Variants in GRIN2C observed in about 807,000 individuals in gnomAD.
GRIN2C encodes glutamate receptor ionotropic, NMDA 2C.
A neutral mutation model predicts 77.7 loss-of-function variants in GRIN2C; 64 were observed. The ratio of observed to expected loss-of-function variants is 0.82; its 90% CI spans 0.67 to 1.01. The LOEUF is 1.01. Ranked by LOEUF, GRIN2C falls within the 50% of genes least tolerant of loss-of-function variation. GRIN2C has a pLI of 0.00. For missense variants in GRIN2C, 1,549 were observed against 1,486.0 expected, an observed-to-expected ratio of 1.04 and a Z score of -0.70; for synonymous variants, 792 against 643.4, an observed-to-expected ratio of 1.23 and a Z score of -3.49.
At chr17:74,851,548 G>T in intron 4 of GRIN2C, 29 bp downstream of exon 4, 1 of 1,337,642 alleles carries the variant, frequency 7.5e-7, no homozygotes, top group Non-Finnish European at 1.1e-6. Flanking sequence ...AGAGGACACT[G>T]AGGGCCCCTG....
At position 74,843,393 on chromosome 17, in the gene GRIN2C, CGG is replaced by C; in HGVS notation, c.2742_2743del (p.Asp914GlufsTer364). 1 of 1,533,598 alleles carries C rather than the reference CGG, an allele frequency of 6.5e-7. No homozygotes were observed. The highest frequency in any genetic ancestry group is 8.7e-7 in the Non-Finnish European group (1 of 1,144,660). The allele number at this position is 1,533,598 out of a possible 1,614,324, so 95.0% of individuals were successfully genotyped here. ...CCAATTCTCGATGGTGCGAGTGGCG[CGG>C]TCCAGGGAGCTGCTTACGCCCGCCG... On this transcript the variant is annotated frameshift_variant, in exon 13 of 13. Transcript: ENST00000293190. LOFTEE classifies it low-confidence loss of function (END_TRUNC).
In GRIN2C at chr17:74,849,626, C is replaced by T. The variant is rs1298248750; in HGVS notation, c.1645+154G>A. ...ACACTGACTTCACTTCTCCTGTCTC[C>T]TTTCCACTCACCTCCAGCCAACCTC... On this transcript the variant is annotated intron_variant, in intron 7 of 12. Coordinates refer to ENST00000293190, the MANE Select transcript of GRIN2C (RefSeq NM_000835.6). This position sits in a 1 kb window ranked among gnomAD's most constrained non-coding sequence, Gnocchi z 4.6. Among the ~76,000 whole-genome samples, 1 of 152,188 alleles carries T rather than the reference C, an allele frequency of 6.6e-6. No individual in the cohort carries two copies. The highest frequency in any genetic ancestry group is 1.5e-5 in the Non-Finnish European group (1 of 68,032).
intron 2 of GRIN2C, chr17:74,853,267 A>T (rs920529439): frequency 1.3e-5 from 2 of 152,164 alleles, no homozygotes; most frequent in African/African-American, 4.8e-5. Flanking sequence ...CCAATCTTTT[A>T]AAAAAGCAAA....
chr17:74,855,260 A>T (rs887907992), intron 1 of GRIN2C, among the ~76,000 whole-genome samples, 153 bp from the exon 2 acceptor site: 1 of 152,202 alleles, frequency 6.6e-6, no homozygotes, highest in African/African-American at 2.4e-5. Flanking sequence ...AGAGAGGGAG[A>T]CAGACAGACA....
chr17:74,842,395 C>CAG lies in GRIN2C; in HGVS notation c.*38_*39dup. 2 of 744,586 alleles carry CAG rather than the reference C, an allele frequency of 2.7e-6. No individual in the cohort carries two copies. The highest frequency in any genetic ancestry group is 5.0e-6 in the Non-Finnish European group (2 of 401,822). The allele number at this position is 744,586 out of a possible 1,614,324, so 46.1% of individuals were successfully genotyped here. On this transcript the variant is annotated 3_prime_UTR_variant, in exon 13 of 13. Transcript: ENST00000293190. ...GCCGCTTAACCCTGACAGTGGCAGGCAGAGAATCCAGCTGGCTCGGAGCCT... is the reference window on the plus strand; with the variant it reads ...GCCGCTTAACCCTGACAGTGGCAGGCAGAGAGAATCCAGCTGGCTCGGAGCCT...
In GRIN2C at chr17:74,850,621, G is replaced by A. The variant is rs777782208; in HGVS notation, c.1260C>T (p.Asp420=). The A allele has an allele frequency of 1.2e-6, 2 of 1,613,656 alleles. No individual in the cohort carries two copies. Among genetic ancestry groups the A allele is most frequent in the Non-Finnish European group, 1.7e-6 (2 of 1,180,008 alleles). ...ERPFVIVESP[D]PGTGGCVPNT... ...TGGGGACACAGCCTCCTGTGCCAGG[G>A]TCAGGGCTCTCCACGATGACAAAGG... is the stretch of plus-strand genomic sequence containing the variant. The change falls in exon 5 of 13, where the codon GAC becomes GAT. Residue 420 remains aspartate, a synonymous_variant. Transcript: ENST00000293190. This position sits in a 1 kb window ranked among gnomAD's most constrained non-coding sequence, Gnocchi z 5.3.
rs910649102 is a variant in GRIN2C at position 74,849,298 on chromosome 17, C to T, written c.1645+482G>A. Among the ~76,000 whole-genome samples, 6 of 152,164 alleles carry T rather than the reference C, an allele frequency of 3.9e-5. No individual in the cohort carries two copies. Among genetic ancestry groups the T allele is most frequent in the Non-Finnish European group, 7.4e-5 (5 of 68,010 alleles). ...CTCTCTGCCACCTCACACTTCATGT[C>T]CCACGTGGCCTCTGACAGGGAACTT... is the stretch of plus-strand genomic sequence containing the variant. On this transcript the variant is annotated intron_variant, in intron 7 of 12. Coordinates refer to ENST00000293190, the MANE Select transcript of GRIN2C (RefSeq NM_000835.6). The surrounding 1 kb of genome is among the most constrained non-coding windows in gnomAD (Gnocchi z 4.6).
At position 74,849,978 on chromosome 17, in the gene GRIN2C, G is replaced by A. The variant is rs2037583758; in HGVS notation, c.1492-45C>T. 2.5e-6 allele frequency: 4 copies of A among 1,583,780 alleles called. No individual in the cohort carries two copies. Among genetic ancestry groups the A allele is most frequent in the Non-Finnish European group, 3.4e-6 (4 of 1,165,136 alleles). ...GAGGTTTGAAAAAGGGGCTCCCGTGGGGTGGACACGCTGCACAGGCACCTC... is the reference window on the plus strand; with the variant it reads ...GAGGTTTGAAAAAGGGGCTCCCGTGAGGTGGACACGCTGCACAGGCACCTC... On this transcript the variant is annotated intron_variant, in intron 6 of 12. Transcript: ENST00000293190. This position sits in a 1 kb window ranked among gnomAD's most constrained non-coding sequence, Gnocchi z 4.6.
At chr17:74,855,675 C>G (rs1047781817) in intron 1 of GRIN2C, among the ~76,000 whole-genome samples, 5 of 152,238 alleles carry the variant, frequency 3.3e-5, no homozygotes, top group African/African-American at 1.2e-4. Flanking sequence ...GAAGACAGCT[C>G]TTGCATCACC....
intron 1 of GRIN2C, among the ~76,000 whole-genome samples, chr17:74,855,783 G>A (rs1484238752): frequency 2.0e-5 from 3 of 151,726 alleles, no homozygotes; most frequent in Non-Finnish European, 4.4e-5. Context: ...AGTGTGCCCT[G>A]CTTGCCATGG....
Position 74,844,518 on chromosome 17 carries a change from G to C in GRIN2C, c.2351-10C>G. On this transcript the variant is annotated splice_polypyrimidine_tract_variant and intron_variant, in intron 11 of 12. Coordinates refer to ENST00000293190, the MANE Select transcript of GRIN2C (RefSeq NM_000835.6). ...AGTTTCTGTGTCTCTCCTGGAGTTGGGGGGTGTACACATCTGGCTCAGGAA... is the reference window on the plus strand; with the variant it reads ...AGTTTCTGTGTCTCTCCTGGAGTTGCGGGGTGTACACATCTGGCTCAGGAA... The C allele has an allele frequency of 1.2e-6, 2 of 1,612,588 alleles. No homozygotes were observed. Among genetic ancestry groups the C allele is most frequent in the Middle Eastern group, 1.7e-4 (1 of 6,052 alleles).
At position 74,846,711 on chromosome 17, in the gene GRIN2C, C is replaced by G. The variant is rs769074960; in HGVS notation, c.2162+49G>C. Reference sequence around the variant, plus strand: ...CCACATTGAGAGCTAAGGCTGGTCACTGGGGAGACACACGGATGAAGACAG... The same window carrying G: ...CCACATTGAGAGCTAAGGCTGGTCAGTGGGGAGACACACGGATGAAGACAG... On this transcript the variant is annotated intron_variant, in intron 10 of 12. Coordinates refer to ENST00000293190, the MANE Select transcript of GRIN2C (RefSeq NM_000835.6). This position sits in a 1 kb window ranked among gnomAD's most constrained non-coding sequence, Gnocchi z 4.4. 1 of 1,579,556 alleles carries G rather than the reference C, an allele frequency of 6.3e-7. No individual in the cohort carries two copies. The highest frequency in any genetic ancestry group is 8.6e-7 in the Non-Finnish European group (1 of 1,156,692).
rs557447366 is a variant in GRIN2C, at chr17:74,849,790, C to T, written c.1635G>A (p.Ser545=). 7.4e-6 allele frequency: 12 copies of T among 1,612,170 alleles called. No individual in the cohort carries two copies. The African/African-American group carries it at 8.0e-5, about 11-fold the overall frequency. Residue 545 remains serine, a synonymous_variant, in exon 7 of 13, where the codon TCG becomes TCA. Coordinates refer to ENST00000293190, the MANE Select transcript of GRIN2C (RefSeq NM_000835.6). The surrounding 1 kb of genome is among the most constrained non-coding windows in gnomAD (Gnocchi z 4.6). Reference sequence around the variant, plus strand: ...CACCCTGGGCCTCACCCAAGAAGGCCGAGGGGGAGACGGTGCCATTGCTGC... The same window carrying T: ...CACCCTGGGCCTCACCCAAGAAGGCTGAGGGGGAGACGGTGCCATTGCTGC... ...VARSNGTVSP[S]AFLEPYSPAV...
chr17:74,847,259 CCCCACCCTCAGTG>C lies in GRIN2C; in HGVS notation c.2001+36_2001+48del. On this transcript the variant is annotated intron_variant, in intron 9 of 12. Transcript: ENST00000293190. The surrounding 1 kb of genome is among the most constrained non-coding windows in gnomAD (Gnocchi z 5.2). ...CAGGGCCTGCCCACTCACGGCCTGT[CCCCACCCTCAGTG>C]CCCCCCCCCACCCCCAGCAGCTATG... 4.1e-6 allele frequency: 3 copies of C among 723,372 alleles called. No homozygotes were observed. Among genetic ancestry groups the C allele is most frequent in the East Asian group, 3.1e-5 (1 of 31,870 alleles). The allele number at this position is 723,372 out of a possible 1,614,324, so 44.8% of individuals were successfully genotyped here.
upstream of GRIN2C, chr17:74,860,557 G>C (rs1405711603): frequency 2.2e-6 from 1 of 451,058 alleles, no homozygotes; most frequent in Non-Finnish European, 4.5e-6. Context: ...CAGGAGACTC[G>C]GGGCTTCCCC....
Position 74,846,968 on chromosome 17 carries a change from C to T in GRIN2C, c.2002-48G>A. On this transcript the variant is annotated intron_variant, in intron 9 of 12. Coordinates refer to ENST00000293190, the MANE Select transcript of GRIN2C (RefSeq NM_000835.6). The surrounding 1 kb of genome is among the most constrained non-coding windows in gnomAD (Gnocchi z 4.4). ...AGTCACAACCCTTCCTCCAGCCTTCCAGGCACCAAAGCCCCAAACCCACCC... is the reference window on the plus strand; with the variant it reads ...AGTCACAACCCTTCCTCCAGCCTTCTAGGCACCAAAGCCCCAAACCCACCC... The T allele has an allele frequency of 6.4e-7, 1 of 1,572,386 alleles. No individual in the cohort carries two copies. Among genetic ancestry groups the T allele is most frequent in the South Asian group, 1.2e-5 (1 of 85,098 alleles).
Position 74,842,805 on chromosome 17 carries a change from T to TGGCCGTCGG in GRIN2C, c.3323_3331dup (p.Pro1108_Gly1110dup). ...CTGCGCCAAGCGCCTGCAGGCCGAG[T>TGGCCGTCGG]GGCCGTCGGGGCGGGCGCAGGCGGG... is the stretch of plus-strand genomic sequence containing the variant. On this transcript the variant is annotated inframe_insertion, in exon 13 of 13. Coordinates refer to ENST00000293190, the MANE Select transcript of GRIN2C (RefSeq NM_000835.6). 1 of 575,132 alleles carries TGGCCGTCGG rather than the reference T, an allele frequency of 1.7e-6. No homozygotes were observed. The highest frequency in any genetic ancestry group is 3.1e-6 in the Non-Finnish European group (1 of 324,904). 35.6% of individuals were successfully genotyped at this position (575,132 alleles called of 1,614,324 possible).
chr17:74,857,080 T>TA (rs1410555764), intron 1 of GRIN2C, among the ~76,000 whole-genome samples: 3 of 152,194 alleles, frequency 2.0e-5, no homozygotes, highest in Non-Finnish European at 4.4e-5. Context: ...TCCAGGAACT[T>TA]AGAGTCAAAT....
chr17:74,851,239 G>A lies in GRIN2C; in HGVS notation c.1113+338C>T, dbSNP rs893774123. ...TCCAATCCCACAATCTTTTGCACACGTCTACTCAAGCACTTGTCCCTGCAT... is the reference window on the plus strand; with the variant it reads ...TCCAATCCCACAATCTTTTGCACACATCTACTCAAGCACTTGTCCCTGCAT... On this transcript the variant is annotated intron_variant, in intron 4 of 12. Coordinates refer to ENST00000293190, the MANE Select transcript of GRIN2C (RefSeq NM_000835.6). 2.1e-5 allele frequency: 7 copies of A among 326,836 alleles called. No individual in the cohort carries two copies. The East Asian group carries it at 2.3e-4, about 11-fold the overall frequency. 20.2% of individuals were successfully genotyped at this position (326,836 alleles called of 1,614,324 possible). A position where few individuals can be genotyped will look rare whatever the true frequency, so the allele number is the denominator to read the frequency against.
Sources: allele counts gnomAD v4.1 joint callset (sites outside exome capture counted in the v4.1 genomes callset), GRCh38; gene constraint gnomAD v4.1.1; non-coding constraint Gnocchi (gnomAD v3.1); transcripts MANE v1.5; gene names NCBI Gene and HGNC (gene_info 2026-07-23, HGNC 2026-07-21).